Variants in MYO15A observed in about 807,000 individuals in gnomAD.
The protein encoded by MYO15A is unconventional myosin-XV.
A neutral mutation model predicts 394.6 loss-of-function variants in MYO15A; 308 were observed. The observed-to-expected ratio is 0.78, with a 90% confidence interval of 0.71 to 0.86. The LOEUF (loss-of-function observed/expected upper bound fraction) is 0.86, where lower values mean the gene tolerates loss of function less well. MYO15A is among the 40% of genes least tolerant of loss of function. The pLI is 0.00. For missense variants in MYO15A, 4,606 were observed against 4,799.1 expected, an observed-to-expected ratio of 0.96 and a Z score of 1.19; for synonymous variants, 1,957 against 2,003.8, an observed-to-expected ratio of 0.98 and a Z score of 0.62.
rs764448545 is a variant in MYO15A at position 18,173,796 on chromosome 17, T to G, written c.10366T>G (p.Phe3456Val). 4 of 1,613,830 alleles carry G rather than the reference T, an allele frequency of 2.5e-6. No homozygotes were observed. Among genetic ancestry groups the G allele is most frequent in the African/African-American group, 2.7e-5 (2 of 74,922 alleles). ...STETHELMVK[F>V]PLKEIQSTRT... ...CTACTCCCAGGAATTGATGGTGAAG[T>G]TCCCCCTGAAGGAGATCCAGTCGAC... is the stretch of plus-strand genomic sequence containing the variant. Residue 3456 changes from phenylalanine to valine, a missense_variant, in exon 65 of 66, where the codon TTC (phenylalanine) becomes GTC (valine). Physicochemically the swap from Phe to Val is conservative, Grantham distance 50. This residue lies in a region of MYO15A where 2,776 missense variants were observed against 3,109.3 expected (regional missense o/e 0.89). Transcript: ENST00000647165.
In MYO15A at chr17:18,148,279, G is replaced by C; in HGVS notation, c.6691+69G>C. 1 of 1,592,836 alleles carries C rather than the reference G, an allele frequency of 6.3e-7. No homozygotes were observed. The highest frequency in any genetic ancestry group is 1.7e-5 in the Admixed American group (1 of 58,200). On this transcript the variant is annotated intron_variant, in intron 31 of 65. Coordinates refer to ENST00000647165, the MANE Select transcript of MYO15A (RefSeq NM_016239.4). The surrounding 1 kb of genome is among the most constrained non-coding windows in gnomAD (Gnocchi z 4.8). Reference sequence around the variant, plus strand: ...CAGGGCCCAGTGAGCCCCGGGGATGGCAGAAGCCACTGGATGTTCTGGAGC... The same window carrying C: ...CAGGGCCCAGTGAGCCCCGGGGATGCCAGAAGCCACTGGATGTTCTGGAGC...
At chr17:18,141,615 G>T (rs1459852480) in intron 22 of MYO15A, 38 bp from the exon 23 acceptor site, 2 of 1,595,374 alleles carry the variant, frequency 1.3e-6, no homozygotes, top group Admixed American at 1.7e-5. Context: ...CCTCGGGTAG[G>T]TCTCATAGCC....
chr17:18,160,419 G>A (rs2046758050), intron 56 of MYO15A, among the ~76,000 whole-genome samples: 1 of 152,216 alleles, frequency 6.6e-6, no homozygotes. Flanking sequence ...GCTTTCCTCT[G>A]TGTTGATCAT....
intron 10 of MYO15A, 141 bp downstream of exon 10, chr17:18,131,672 AG>A: frequency 9.3e-7 from 1 of 1,079,442 alleles, no homozygotes. Context: ...ATGTGAGCCC[AG>A]GACCTCCCCT....
At chr17:18,172,036 C>T in intron 63 of MYO15A, 121 bp from the exon 64 acceptor site, 1 of 1,540,898 alleles carries the variant, frequency 6.5e-7, no homozygotes, top group South Asian at 1.1e-5. Flanking sequence ...TGGGAGGAGA[C>T]CCAGACCAAG....
chr17:18,128,195 A>C (rs928959501), intron 7 of MYO15A, among the ~76,000 whole-genome samples: 1 of 152,138 alleles, frequency 6.6e-6, no homozygotes, highest in African/African-American at 2.4e-5. Flanking sequence ...CACAGGCAGC[A>C]TGGAGGCAGG....
chr17:18,149,191 A>T, intron 33 of MYO15A, 25 bp from the exon 34 acceptor site: 1 of 1,613,618 alleles, frequency 6.2e-7, no homozygotes. Context: ...GGGGGTCAGT[A>T]GCTCCATGTT....
chr17:18,120,060 G>T lies in MYO15A; in HGVS notation c.1260G>T (p.Ser420=), dbSNP rs777228390. ...VYPWVPPPIP[S]PHNPYAHAMD... ...CCTGGGTACCACCGCCCATCCCGTC[G>T]CCCCACAACCCGTATGCCCACGCCA... The change falls in exon 2 of 66, where the codon TCG becomes TCT. Residue 420 remains serine, a synonymous_variant. Coordinates refer to ENST00000647165, the MANE Select transcript of MYO15A (RefSeq NM_016239.4). 1 of 1,613,186 alleles carries T rather than the reference G, an allele frequency of 6.2e-7. No homozygotes were observed. The highest frequency in any genetic ancestry group is 1.3e-5 in the African/African-American group (1 of 74,912).
intron 13 of MYO15A, among the ~76,000 whole-genome samples, chr17:18,136,074 T>C (rs1023820552): frequency 5.9e-5 from 9 of 152,184 alleles, no homozygotes; most frequent in African/African-American, 2.2e-4. Flanking sequence ...TAAGACCCTA[T>C]CCAGGTATCC....
rs1281443428 is a variant in MYO15A at position 18,151,967 on chromosome 17, G to A, written c.7893+16G>A. On this transcript the variant is annotated intron_variant, in intron 41 of 65. Transcript: ENST00000647165. The stretch of plus-strand genomic sequence containing the variant: ...TGGCACCCAGGTGAGGGGGGAAGGT[G>A]GGGCTGAGCCCAGGTGGAACAGAAG... The A allele has an allele frequency of 1.3e-6, 2 of 1,552,848 alleles. No individual in the cohort carries two copies. The highest frequency in any genetic ancestry group is 8.7e-7 in the Non-Finnish European group (1 of 1,146,916).
chr17:18,110,272 A>T (rs1373988755), intron 1 of MYO15A: 1 of 152,178 alleles, frequency 6.6e-6, no homozygotes, highest in African/African-American at 2.4e-5. Flanking sequence ...GCATGCTCCC[A>T]GCTGTGTCAT....
chr17:18,149,616 C>G lies in MYO15A; in HGVS notation c.7212+36C>G. 3 of 1,594,176 alleles carry G rather than the reference C, an allele frequency of 1.9e-6. 1 individual carries two copies. The highest frequency in any genetic ancestry group is 2.6e-6 in the Non-Finnish European group (3 of 1,162,434). Reference sequence around the variant, plus strand: ...TGTGGGGTGGGTCATTTGCAGACAGCAGGCACAGCATGTACACCCAAGTCA... The same window carrying G: ...TGTGGGGTGGGTCATTTGCAGACAGGAGGCACAGCATGTACACCCAAGTCA... On this transcript the variant is annotated intron_variant, in intron 35 of 65. Transcript: ENST00000647165.
rs368883957 is a variant in MYO15A, at chr17:18,141,085, G to A, written c.5473G>A (p.Val1825Met). ...ACGCTATTCAGGGGTGCTGGAGACC[G>A]TGAGGATCCGCAAGGAGGGATTTCC... is the stretch of plus-strand genomic sequence containing the variant. ...QLRYSGVLET[V>M]RIRKEGFPVR... The change falls in exon 22 of 66, where the codon GTG becomes ATG. Residue 1825 changes from valine (V) to methionine (M), a missense_variant. Physicochemically the swap from Val to Met is conservative, Grantham distance 21. Coordinates refer to ENST00000647165, the MANE Select transcript of MYO15A (RefSeq NM_016239.4). 188 of 1,614,034 alleles carry A rather than the reference G, an allele frequency of 1.2e-4. No individual in the cohort carries two copies. The highest frequency in any genetic ancestry group is 4.4e-4 in the African/African-American group (33 of 75,046).
chr17:18,169,143 AATAATAAT>A (rs2046901530), intron 62 of MYO15A, among the ~76,000 whole-genome samples: 2 of 139,168 alleles, frequency 1.4e-5, no homozygotes, highest in Non-Finnish European at 3.1e-5. Flanking sequence ...TAATAATAAT[AATAATAAT>A]AATAATAAAA....
chr17:18,149,261 ACC>A lies in MYO15A; in HGVS notation c.7005_7006del (p.Gln2336AlafsTer10). ...WDSDEDMSTR[P>X]QPQEHMPKVL... ...ACTCGGATGAGGACATGTCCACTAG[ACC>A]CCAGCCCCAGGAGCACATGCCCAAA... is the stretch of plus-strand genomic sequence containing the variant. On this transcript the variant is annotated frameshift_variant, in exon 34 of 66. Coordinates refer to ENST00000647165, the MANE Select transcript of MYO15A (RefSeq NM_016239.4). LOFTEE classifies it high-confidence loss of function. The A allele has an allele frequency of 4.3e-6, 7 of 1,613,808 alleles. No homozygotes were observed. The highest frequency in any genetic ancestry group is 5.9e-6 in the Non-Finnish European group (7 of 1,179,938).
In MYO15A at chr17:18,172,415, A is replaced by T. The variant is rs767874378; in HGVS notation, c.10350+125A>T. The T allele has an allele frequency of 5.8e-6, 8 of 1,388,376 alleles. No individual in the cohort carries two copies. In the Admixed American group the frequency reaches 1.5e-4, roughly 26 times the overall value. 86.0% of individuals were successfully genotyped at this position (1,388,376 alleles called of 1,614,324 possible). On this transcript the variant is annotated intron_variant, in intron 64 of 65. Coordinates refer to ENST00000647165, the MANE Select transcript of MYO15A (RefSeq NM_016239.4). ...CACTGCTTACCACCTTCATGATCTC[A>T]GGCAAGTCTCTTCCCTCCTCTGAGC...
chr17:18,155,964 A>T (rs2046667440), intron 47 of MYO15A: 4 of 583,692 alleles, frequency 6.9e-6, no homozygotes, highest in Non-Finnish European at 1.2e-5. Context: ...CAAGGGACAA[A>T]GGGTGGAGAG....
At chr17:18,141,188 A>G (rs774684999) in intron 22 of MYO15A, 45 bp downstream of exon 22, 1 of 1,610,824 alleles carries the variant, frequency 6.2e-7, no homozygotes, top group Non-Finnish European at 8.5e-7. Flanking sequence ...ATCCCTGCCC[A>G]ACTCCCCATG....
intron 62 of MYO15A, among the ~76,000 whole-genome samples, chr17:18,169,308 TG>T (rs538797429): frequency 4.1e-4 from 62 of 151,764 alleles, no homozygotes; most frequent in Middle Eastern, 6.8e-3. Context: ...TAGCCGGGCA[TG>T]GTGGCGCATG....
Sources: allele counts gnomAD v4.1 joint callset (sites outside exome capture counted in the v4.1 genomes callset), GRCh38; gene constraint gnomAD v4.1.1; regional missense constraint gnomAD v4.1.1; non-coding constraint Gnocchi (gnomAD v3.1); transcripts MANE v1.5; gene names NCBI Gene and HGNC (gene_info 2026-07-23, HGNC 2026-07-21).